Variants in LUZP2 observed in about 807,000 individuals in gnomAD.
The protein encoded by LUZP2 is leucine zipper protein 2.
Under a neutral mutation model 51.6 loss-of-function variants are expected in LUZP2, and 52 were observed. The observed-to-expected ratio is 1.01, with a 90% CI of 0.81 to 1.27. The LOEUF is 1.27. LUZP2 is among the 50% of genes most tolerant of loss of function. LUZP2 has a pLI of 0.00. For missense variants in LUZP2, 436 were observed against 395.4 expected (o/e 1.10, Z -0.87); for synonymous variants, 154 against 137.3 (o/e 1.12, Z -0.85).
chr11:24,762,463 A>G (rs1352181079), intron 4 of LUZP2, among the ~76,000 whole-genome samples: 1 of 152,186 alleles, frequency 6.6e-6, no homozygotes, highest in Non-Finnish European at 1.5e-5. Context: ...GAAAAATTAA[A>G]TTCACCTGTG....
In LUZP2 at chr11:24,926,381, ATATATATACGTGTG is replaced by A. The variant is rs1489900894; in HGVS notation, c.522+11852_522+11865del. Among the ~76,000 whole-genome samples the A allele has an allele frequency of 2.0e-3, 127 of 63,272 alleles. 19 individuals carry two copies. The East Asian group carries it at 0.093, about 46-fold the overall frequency. 41.5% of individuals were successfully genotyped at this position (63,272 alleles called of 152,430 possible). A position where few individuals can be genotyped will look rare whatever the true frequency, so the allele number is the denominator to read the frequency against. On this transcript the variant is annotated intron_variant, in intron 7 of 11. Coordinates refer to ENST00000336930, the MANE Select transcript of LUZP2 (RefSeq NM_001009909.4). ...CGTGTGTATATATATATACGTGTGT[ATATATATACGTGTG>A]TATATATATATACGTGTGTATATAT...
chr11:24,868,708 TA>T (rs1851966464), intron 5 of LUZP2, among the ~76,000 whole-genome samples: 1 of 152,146 alleles, frequency 6.6e-6, no homozygotes, highest in South Asian at 2.1e-4. Context: ...AATTTTAACA[TA>T]AATTAAAAAT....
intron 1 of LUZP2, among the ~76,000 whole-genome samples, chr11:24,525,726 A>G (rs1196352481): frequency 6.6e-6 from 1 of 151,432 alleles, no homozygotes; most frequent in Non-Finnish European, 1.5e-5. Flanking sequence ...ATATATATAC[A>G]CAGATATACA....
At chr11:24,538,822 T>C (rs1000865341) in intron 1 of LUZP2, among the ~76,000 whole-genome samples, 1 of 151,806 alleles carries the variant, frequency 6.6e-6, no homozygotes, top group Admixed American at 6.6e-5. Context: ...TTAGTGGAAA[T>C]TGATTAAATA....
intron 1 of LUZP2, among the ~76,000 whole-genome samples, chr11:24,725,517 A>T (rs1858441528): frequency 1.3e-5 from 2 of 152,222 alleles, no homozygotes; most frequent in South Asian, 4.1e-4. Flanking sequence ...TTTAAATAAC[A>T]TGGGTTGGAG....
intron 1 of LUZP2, among the ~76,000 whole-genome samples, chr11:24,682,714 T>G (rs1286551297): frequency 6.6e-6 from 1 of 151,242 alleles, no homozygotes; most frequent in African/African-American, 2.4e-5. Flanking sequence ...CTAAGAATAA[T>G]AATGTTAGTG....
chr11:24,982,495 A>G (rs2133913551), intron 8 of LUZP2, among the ~76,000 whole-genome samples: 1 of 151,988 alleles, frequency 6.6e-6, no homozygotes, highest in Non-Finnish European at 1.5e-5. Context: ...ATCCTTAGAA[A>G]ACTAATGCAG....
intron 7 of LUZP2, among the ~76,000 whole-genome samples, chr11:24,922,146 T>C (rs1202264324): frequency 6.6e-6 from 1 of 152,188 alleles, no homozygotes; most frequent in Non-Finnish European, 1.5e-5. Context: ...ACTATCCCTA[T>C]AGCATATGTT....
At chr11:24,920,195 T>C (rs552942383) in intron 7 of LUZP2, among the ~76,000 whole-genome samples, 1 of 152,102 alleles carries the variant, frequency 6.6e-6, no homozygotes, top group African/African-American at 2.4e-5. Context: ...TGGCAGACAT[T>C]TTGATAGTTT....
intron 5 of LUZP2, among the ~76,000 whole-genome samples, chr11:24,819,697 A>G (rs1054030870): frequency 1.3e-5 from 2 of 152,256 alleles, no homozygotes; most frequent in African/African-American, 2.4e-5. Flanking sequence ...TCACCTGCCT[A>G]AAGACTGGAT....
At chr11:24,810,514 T>A (rs1849988152) in intron 5 of LUZP2, among the ~76,000 whole-genome samples, 1 of 152,072 alleles carries the variant, frequency 6.6e-6, no homozygotes, top group South Asian at 2.1e-4. Flanking sequence ...GAAACTAGAA[T>A]TTGTCCATTC....
intron 5 of LUZP2, among the ~76,000 whole-genome samples, chr11:24,832,686 TA>T (rs1180636616): frequency 2.0e-5 from 3 of 151,836 alleles, no homozygotes; most frequent in South Asian, 4.1e-4. Flanking sequence ...TAGTTAGAAA[TA>T]AAAAAATTAG....
At chr11:24,528,596 T>C (rs1850893672) in intron 1 of LUZP2, among the ~76,000 whole-genome samples, 1 of 151,304 alleles carries the variant, frequency 6.6e-6, no homozygotes, top group South Asian at 2.1e-4. Flanking sequence ...CAGTGACTTG[T>C]CTGAGGACAT....
chr11:24,735,773 C>T (rs1745856523), intron 3 of LUZP2, among the ~76,000 whole-genome samples: 2 of 151,808 alleles, frequency 1.3e-5, no homozygotes, highest in African/African-American at 4.8e-5. Context: ...TCACTCGAGC[C>T]AGGAATTTTT....
chr11:24,523,678 G>A (rs1045230164), intron 1 of LUZP2, among the ~76,000 whole-genome samples: 13 of 151,372 alleles, frequency 8.6e-5, no homozygotes, highest in African/African-American at 3.1e-4. Flanking sequence ...AGCCATAGGA[G>A]ATAACAATCT....
At chr11:24,817,788 A>G (rs1485520666) in intron 5 of LUZP2, among the ~76,000 whole-genome samples, 3 of 152,040 alleles carry the variant, frequency 2.0e-5, no homozygotes, top group African/African-American at 4.8e-5. Context: ...ATAATTGTTC[A>G]GGAAATGGTA....
Position 25,077,357 on chromosome 11 carries a change from A to G in LUZP2, c.887A>G (p.Lys296Arg). Residue 296 changes from lysine to arginine, a missense_variant, in exon 11 of 12, where the codon AAA (lysine) becomes AGA (arginine). Coordinates refer to ENST00000336930, the MANE Select transcript of LUZP2 (RefSeq NM_001009909.4). ...GGCAGACCGTGTTCCATGAAGCACA[A>G]AGAAAGTCCCCCAAGTAATGCCACT... The part of the protein sequence containing the change: ...DEGRPCSMKH[K>R]ESPPSNATAE... 1 of 1,613,134 alleles carries G rather than the reference A, an allele frequency of 6.2e-7. No individual in the cohort carries two copies. Among genetic ancestry groups the G allele is most frequent in the Admixed American group, 1.7e-5 (1 of 60,008 alleles).
intron 5 of LUZP2, among the ~76,000 whole-genome samples, chr11:24,822,652 C>A (rs539094834): frequency 5.9e-5 from 9 of 152,086 alleles, no homozygotes; most frequent in Non-Finnish European, 1.3e-4. Flanking sequence ...AATTTTTTGT[C>A]CAGGGTCTCA....
intron 5 of LUZP2, among the ~76,000 whole-genome samples, chr11:24,849,617 T>G (rs1039432492): frequency 1.3e-5 from 2 of 152,210 alleles, no homozygotes; most frequent in African/African-American, 4.8e-5. Flanking sequence ...GTAGAATGAT[T>G]TATCATCCTT....
Sources: allele counts gnomAD v4.1 joint callset (sites outside exome capture counted in the v4.1 genomes callset), GRCh38; gene constraint gnomAD v4.1.1; transcripts MANE v1.5; gene names NCBI Gene and HGNC (gene_info 2026-07-23, HGNC 2026-07-21).